DPP6: variants seen among roughly 807,000 people sequenced by gnomAD.
DPP6 encodes dipeptidyl peptidase like 6.
Under a neutral mutation model 122.6 loss-of-function variants are expected in DPP6, and 69 were observed. The ratio of observed to expected loss-of-function variants is 0.56; its 90% CI spans 0.46 to 0.69. The LOEUF is 0.69. Ranked by LOEUF, DPP6 falls within the 30% of genes least tolerant of loss-of-function variation. The pLI, the probability that DPP6 is intolerant of heterozygous loss-of-function variation, is 0.00. For synonymous variants in DPP6, 418 were observed against 433.1 expected, an observed-to-expected ratio of 0.97 and a Z score of 0.43; for missense variants, 928 against 1,116.9, an observed-to-expected ratio of 0.83 and a Z score of 2.41.
At chr7:154,208,370 A>G (rs542418612) in intron 1 of DPP6, among the ~76,000 whole-genome samples, 1 of 152,322 alleles carries the variant, frequency 6.6e-6, no homozygotes, top group Non-Finnish European at 1.5e-5. Context: ...GCATTACACC[A>G]CATACATTTC....
intron 1 of DPP6, among the ~76,000 whole-genome samples, chr7:154,070,763 T>C (rs1397232898): frequency 6.6e-6 from 1 of 152,210 alleles, no homozygotes; most frequent in Non-Finnish European, 1.5e-5. Context: ...ATTGAAGGTA[T>C]GGGAAACTGT....
intron 1 of DPP6, among the ~76,000 whole-genome samples, chr7:153,888,967 A>C (rs1799069287): frequency 6.6e-6 from 1 of 152,060 alleles, no homozygotes; most frequent in Admixed American, 6.6e-5. Flanking sequence ...ATAAGTGAAA[A>C]ATTCTACATT....
At chr7:154,249,150 A>G (rs1311581822) in intron 1 of DPP6, among the ~76,000 whole-genome samples, 2 of 152,274 alleles carry the variant, frequency 1.3e-5, no homozygotes, top group African/African-American at 2.4e-5. Flanking sequence ...ATTTCAGATT[A>G]TGACAAAGCA....
chr7:154,324,245 T>G (rs1351547156), intron 1 of DPP6, among the ~76,000 whole-genome samples: 1 of 152,380 alleles, frequency 6.6e-6, no homozygotes, highest in South Asian at 2.1e-4. Context: ...CTTGGGGAGC[T>G]GATGTCTGCT....
At chr7:154,477,883 A>G (rs982473281) in intron 3 of DPP6, among the ~76,000 whole-genome samples, 1 of 152,170 alleles carries the variant, frequency 6.6e-6, no homozygotes, top group Non-Finnish European at 1.5e-5. Flanking sequence ...GTAAATGTAC[A>G]CACTGAAGAA....
chr7:154,131,641 T>C (rs1795290914), intron 1 of DPP6, among the ~76,000 whole-genome samples: 1 of 152,298 alleles, frequency 6.6e-6, no homozygotes. Context: ...ATAAGTGGAA[T>C]ACTAAGGGGT....
intron 1 of DPP6, among the ~76,000 whole-genome samples, chr7:153,967,940 A>G (rs1795842098): frequency 6.6e-6 from 1 of 151,408 alleles, no homozygotes; most frequent in African/African-American, 2.5e-5. Flanking sequence ...TATGTACCAC[A>G]TTTTCTTTAT....
At chr7:153,839,323 G>A in the DPP6 span, among the ~76,000 whole-genome samples, 1 of 152,180 alleles carries the variant, frequency 6.6e-6, no homozygotes, top group South Asian at 2.1e-4. Context: ...GTGACGCCAA[G>A]GCATTTCATC....
At chr7:154,429,501 C>T (rs1818182208) in intron 1 of DPP6, among the ~76,000 whole-genome samples, 1 of 152,218 alleles carries the variant, frequency 6.6e-6, no homozygotes, top group South Asian at 2.1e-4. Context: ...TTCACTACGA[C>T]AGAGCATCGC....
chr7:154,451,114 G>A (rs575570502), intron 2 of DPP6, among the ~76,000 whole-genome samples: 1 of 152,068 alleles, frequency 6.6e-6, no homozygotes, highest in Non-Finnish European at 1.5e-5. Flanking sequence ...TGTAATCCCA[G>A]CACTTTAGGA....
rs184529636 is a variant in DPP6, at chr7:154,093,109, G to A, written c.243+40046G>A. Reference sequence around the variant, plus strand: ...ACACACCCCACATACCACTCACACAGCATAACACACCACATAACACACATC... The same window carrying A: ...ACACACCCCACATACCACTCACACAACATAACACACCACATAACACACATC... On this transcript the variant is annotated intron_variant, in intron 1 of 25. Transcript: ENST00000377770. Among the ~76,000 whole-genome samples the A allele has an allele frequency of 8.8e-3, 1,329 of 151,410 alleles. 27 individuals are homozygous for A. Among genetic ancestry groups the A allele is most frequent in the African/African-American group, 0.031 (1,256 of 41,152 alleles).
At chr7:154,121,218 C>T (rs1051012343) in intron 1 of DPP6, among the ~76,000 whole-genome samples, 12 of 152,158 alleles carry the variant, frequency 7.9e-5, no homozygotes, top group African/African-American at 2.7e-4. Flanking sequence ...AGCATGAGAA[C>T]GGACTAATCC....
At chr7:154,842,266 A>C (rs924394080) in intron 16 of DPP6, among the ~76,000 whole-genome samples, 1 of 152,258 alleles carries the variant, frequency 6.6e-6, no homozygotes, top group East Asian at 1.9e-4. Context: ...CATTGTTTAC[A>C]TACTAGGAGT....
chr7:154,892,508 G>A lies in DPP6; in HGVS notation c.*28G>A. 2 of 1,611,220 alleles carry A rather than the reference G, an allele frequency of 1.2e-6. No individual in the cohort carries two copies. Among genetic ancestry groups the A allele is most frequent in the South Asian group, 2.2e-5 (2 of 90,900 alleles). ...TCAGGTCGCTCTAAGCACAAACGTG[G>A]CTCTTTCTACAACCAGATGCAACCG... On this transcript the variant is annotated 3_prime_UTR_variant, in exon 26 of 26. Transcript: ENST00000377770.
At chr7:154,174,442 C>T (rs1563278132) in intron 1 of DPP6, among the ~76,000 whole-genome samples, 1 of 152,204 alleles carries the variant, frequency 6.6e-6, no homozygotes, top group Non-Finnish European at 1.5e-5. Context: ...ATCTCCAGTG[C>T]ACGGCACATT....
chr7:154,876,121 C>G (rs186016961), intron 20 of DPP6, 21 bp downstream of exon 20: 1 of 1,556,338 alleles, frequency 6.4e-7, no homozygotes, highest in East Asian at 2.3e-5. Context: ...GCCCAGGAAG[C>G]AGGAGAGGCC....
At chr7:154,105,789 G>T (rs1806115423) in intron 1 of DPP6, among the ~76,000 whole-genome samples, 1 of 152,070 alleles carries the variant, frequency 6.6e-6, no homozygotes, top group South Asian at 2.1e-4. Flanking sequence ...TGCCGTGATT[G>T]TGAGGCCTCC....
the DPP6 span, among the ~76,000 whole-genome samples, chr7:153,790,974 A>G: frequency 6.6e-6 from 1 of 152,194 alleles, no homozygotes; most frequent in African/African-American, 2.4e-5. Context: ...GGAGATAAAG[A>G]AAGGCCTCAA....
chr7:154,127,620 C>CACACACACACACACAG, intron 1 of DPP6, among the ~76,000 whole-genome samples: 1 of 119,490 alleles, frequency 8.4e-6, no homozygotes, highest in African/African-American at 4.1e-5. Flanking sequence ...CACACACACA[C>CACACACACACACACAG]ACACACACAC....
Sources: gnomAD v4.1 joint callset for allele counts (sites outside exome capture counted in the v4.1 genomes callset) on GRCh38, gnomAD v4.1.1 for gene constraint, MANE v1.5 for transcripts, NCBI Gene and HGNC (gene_info 2026-07-23, HGNC 2026-07-21) for gene names.